EEFSEC: variants seen among roughly 807,000 people sequenced by gnomAD.
EEFSEC encodes the protein selenocysteine-specific elongation factor.
Under a neutral mutation model 42.1 loss-of-function variants are expected in EEFSEC, and 43 were observed. The ratio of observed to expected loss-of-function variants is 1.02; its 90% CI spans 0.80 to 1.32. EEFSEC has a LOEUF of 1.32. Among genes scored for constraint, EEFSEC ranks in the 40% most tolerant of loss-of-function variants. EEFSEC has a pLI of 0.00. For missense variants in EEFSEC, 745 were observed against 803.6 expected, an observed-to-expected ratio of 0.93 and a Z score of 0.88; for synonymous variants, 354 against 339.1, an observed-to-expected ratio of 1.04 and a Z score of -0.48.
At chr3:128,357,844 C>T (rs558263631) in intron 5 of EEFSEC, among the ~76,000 whole-genome samples, 2 of 152,068 alleles carry the variant, frequency 1.3e-5, no homozygotes, top group South Asian at 4.2e-4. Context: ...TTCAAAGCTA[C>T]TTCTATCCCC....
At chr3:128,255,888 G>A (rs932858049) in intron 2 of EEFSEC, among the ~76,000 whole-genome samples, 15 of 152,082 alleles carry the variant, frequency 9.9e-5, no homozygotes, top group Admixed American at 2.6e-4. Context: ...TTCCTGGAAG[G>A]CCCCCATAGA....
chr3:128,223,995 T>A (rs1034122892), intron 1 of EEFSEC, among the ~76,000 whole-genome samples: 1 of 151,996 alleles, frequency 6.6e-6, no homozygotes, highest in East Asian at 1.9e-4. Flanking sequence ...AAAAAAAACA[T>A]TTTCTATTCT....
chr3:128,281,761 C>T (rs2066528216), intron 4 of EEFSEC, among the ~76,000 whole-genome samples: 1 of 152,208 alleles, frequency 6.6e-6, no homozygotes, highest in Non-Finnish European at 1.5e-5. Context: ...GAGGCAGGCA[C>T]TCAGGGGTCC....
At chr3:128,338,394 G>A (rs1286668334) in intron 4 of EEFSEC, among the ~76,000 whole-genome samples, 1 of 152,160 alleles carries the variant, frequency 6.6e-6, no homozygotes, top group South Asian at 2.1e-4. Flanking sequence ...ACTCATGGGT[G>A]TTTCGTATAT....
At chr3:128,357,499 G>A (rs1483224337) in intron 5 of EEFSEC, among the ~76,000 whole-genome samples, 1 of 152,374 alleles carries the variant, frequency 6.6e-6, no homozygotes, top group East Asian at 1.9e-4. Flanking sequence ...CTGAGGGAGG[G>A]TGTCATGGAG....
chr3:128,160,686 G>A (rs2065175303), intron 1 of EEFSEC, among the ~76,000 whole-genome samples: 1 of 152,170 alleles, frequency 6.6e-6, no homozygotes, highest in African/African-American at 2.4e-5. Context: ...TGTGGAATAT[G>A]TTATTCCCAG....
rs140272639 is a variant in EEFSEC, at chr3:128,350,366, C to T, written c.1444-7851C>T. 3.5e-3 allele frequency among the ~76,000 whole-genome samples: 530 copies of T among 152,330 alleles called. 1 individual carries two copies. The highest frequency in any genetic ancestry group is 0.012 in the African/African-American group (491 of 41,568). The stretch of plus-strand genomic sequence containing the variant: ...AGGGCCCCTCGCCCTTGCAGGAAGC[C>T]ATGCTGTGGTCTAGCTGGCCACTGA... On this transcript the variant is annotated intron_variant, in intron 5 of 6. Coordinates refer to ENST00000254730, the MANE Select transcript of EEFSEC (RefSeq NM_021937.5).
chr3:128,201,122 T>G (rs1225188927), intron 1 of EEFSEC, among the ~76,000 whole-genome samples: 1 of 152,212 alleles, frequency 6.6e-6, no homozygotes, highest in East Asian at 1.9e-4. Flanking sequence ...AATATTAGCC[T>G]TGAAATAATG....
the EEFSEC span, among the ~76,000 whole-genome samples, chr3:128,414,899 C>T: frequency 6.6e-6 from 1 of 152,106 alleles, no homozygotes; most frequent in Non-Finnish European, 1.5e-5. Context: ...GAGGAGGAGG[C>T]AGATTTGAAG....
chr3:128,409,587 C>T (rs1208381771), downstream of EEFSEC, among the ~76,000 whole-genome samples: 1 of 152,234 alleles, frequency 6.6e-6, no homozygotes, highest in Non-Finnish European at 1.5e-5. Context: ...GTTCCCAGTT[C>T]AGTCCCCTGA....
chr3:128,160,193 A>G (rs1576506234), intron 1 of EEFSEC, among the ~76,000 whole-genome samples: 1 of 152,182 alleles, frequency 6.6e-6, no homozygotes, highest in Non-Finnish European at 1.5e-5. Flanking sequence ...CCCCTTTAGG[A>G]GCTTACATCA....
intron 1 of EEFSEC, among the ~76,000 whole-genome samples, chr3:128,194,249 CT>C (rs1254172531): frequency 1.3e-5 from 2 of 152,160 alleles, no homozygotes; most frequent in African/African-American, 4.8e-5. Flanking sequence ...TTCCGGAGAG[CT>C]TGGACACCAC....
chr3:128,408,157 G>A lies in EEFSEC; in HGVS notation c.1689G>A (p.Glu563=), dbSNP rs745711435. The change falls in exon 7 of 7, where the codon GAG becomes GAA. Residue 563 remains glutamate, a synonymous_variant. Coordinates refer to ENST00000254730, the MANE Select transcript of EEFSEC (RefSeq NM_021937.5). ...GCCGTGGGGAGGCCACCAGGCAGGAGGAGAGCGCCGAGCGGAGCGAGCCCT... is the reference window on the plus strand; with the variant it reads ...GCCGTGGGGAGGCCACCAGGCAGGAAGAGAGCGCCGAGCGGAGCGAGCCCT... ...RAGRGEATRQ[E]ESAERSEPSQ... is the part of the protein sequence containing the mutation. 26 of 1,612,610 alleles carry A rather than the reference G, an allele frequency of 1.6e-5. 1 individual carries two copies. The South Asian group carries it at 2.5e-4, about 16-fold the overall frequency.
chr3:128,260,136 A>T (rs368491179), intron 2 of EEFSEC, among the ~76,000 whole-genome samples: 32 of 151,172 alleles, frequency 2.1e-4, no homozygotes, highest in African/African-American at 6.5e-4. Flanking sequence ...GATTTTTTTT[A>T]TTTTTATTTT....
chr3:128,171,299 A>C (rs774468323), intron 1 of EEFSEC, among the ~76,000 whole-genome samples: 12 of 152,154 alleles, frequency 7.9e-5, no homozygotes, highest in African/African-American at 2.9e-4. Context: ...GCTGCTTGCT[A>C]TCTTTTTTCC....
intron 1 of EEFSEC, among the ~76,000 whole-genome samples, chr3:128,199,429 AT>A (rs2065620450): frequency 1.3e-5 from 2 of 152,240 alleles, no homozygotes; most frequent in African/African-American, 4.8e-5. Context: ...TACATCTGCT[AT>A]TTTGCATTTT....
intron 4 of EEFSEC, among the ~76,000 whole-genome samples, chr3:128,304,170 A>G (rs577544039): frequency 6.7e-6 from 1 of 149,310 alleles, no homozygotes; most frequent in Admixed American, 6.7e-5. Context: ...CTACTGGTGC[A>G]TTTTTCAGAT....
At chr3:128,371,819 AAG>A (rs1436313053) in intron 6 of EEFSEC, among the ~76,000 whole-genome samples, 3 of 152,292 alleles carry the variant, frequency 2.0e-5, no homozygotes, top group African/African-American at 7.2e-5. Context: ...GCCATGGGGA[AAG>A]AGAGGACAGA....
intron 1 of EEFSEC, among the ~76,000 whole-genome samples, chr3:128,216,758 G>C (rs2065814785): frequency 6.6e-6 from 1 of 152,240 alleles, no homozygotes; most frequent in Non-Finnish European, 1.5e-5. Context: ...GTCAGTTTCT[G>C]ACTAGAGCAC....
Sources: allele counts gnomAD v4.1 joint callset (sites outside exome capture counted in the v4.1 genomes callset), GRCh38; gene constraint gnomAD v4.1.1; transcripts MANE v1.5; gene names NCBI Gene and HGNC (gene_info 2026-07-23, HGNC 2026-07-21).